Variants in TNRC18 observed in about 807,000 individuals in gnomAD.
TNRC18 encodes the protein trinucleotide repeat containing 18.
TNRC18 carries 69 observed loss-of-function variants against 226.7 expected under a neutral mutation model. The observed-to-expected ratio is 0.30, with a 90% CI of 0.25 to 0.37. The LOEUF is 0.37. Ranked by LOEUF, TNRC18 falls within the 10% of genes least tolerant of loss-of-function variation. The probability of loss-of-function intolerance (pLI) is 1.00; values close to 1 mark genes in which losing one functional copy is unlikely to be tolerated. For missense variants in TNRC18, 4,754 were observed against 4,256.6 expected (o/e 1.12, Z -3.25); for synonymous variants, 2,449 against 1,927.6 (o/e 1.27, Z -7.09).
In TNRC18 at chr7:5,318,014, G is replaced by A. The variant is rs1788022693; in HGVS notation, c.6746-1942C>T. ...AGCCTCCCGAGTAGCTGGGATTACA[G>A]GCACCCGCCACCACGCCCAGCTTAT... On this transcript the variant is annotated intron_variant, in intron 24 of 29. Transcript: ENST00000430969. Among the ~76,000 whole-genome samples the A allele has an allele frequency of 2.0e-5, 3 of 152,054 alleles. No homozygotes were observed. The South Asian group carries it at 6.2e-4, about 32-fold the overall frequency.
chr7:5,321,182 A>G lies in TNRC18; in HGVS notation c.6451T>C (p.Ser2151Pro). 2 of 1,546,146 alleles carry G rather than the reference A, an allele frequency of 1.3e-6. No homozygotes were observed. Among genetic ancestry groups the G allele is most frequent in the Admixed American group, 2.0e-5 (1 of 51,126 alleles). The stretch of plus-strand genomic sequence containing the variant: ...AGCTCATCCTTGTCGATGATGCAGG[A>G]GCGAGGGGCTGCAGGGGTTGGATCG... ...VERPLTPAPR[S>P]CIIDKDELKD... The change falls in exon 22 of 30, where the codon TCC becomes CCC. Residue 2151 changes from serine to proline, a missense_variant. Transcript: ENST00000430969.
At chr7:5,339,540 A>AGTGTGTGT (rs1562514144) in intron 18 of TNRC18, among the ~76,000 whole-genome samples, 2 of 95,526 alleles carry the variant, frequency 2.1e-5, no homozygotes, top group East Asian at 2.9e-4. Context: ...GTGCCCAGCC[A>AGTGTGTGT]ATGTGTGTGT....
At chr7:5,417,423 T>C (rs1782260810) in intron 2 of TNRC18, among the ~76,000 whole-genome samples, 1 of 152,002 alleles carries the variant, frequency 6.6e-6, no homozygotes, top group Admixed American at 6.6e-5. Flanking sequence ...TGAGCTGAGA[T>C]CACGCTATTG....
chr7:5,363,621 A>G (rs1793309233), intron 11 of TNRC18, among the ~76,000 whole-genome samples: 1 of 151,928 alleles, frequency 6.6e-6, no homozygotes, highest in African/African-American at 2.4e-5. Flanking sequence ...CAATCAATCA[A>G]TCGAACAGGA....
chr7:5,334,628 G>A (rs906039998), intron 18 of TNRC18, among the ~76,000 whole-genome samples: 1 of 152,152 alleles, frequency 6.6e-6, no homozygotes, highest in Non-Finnish European at 1.5e-5. Flanking sequence ...ACTGTGCAAG[G>A]AGGCAGCAAG....
chr7:5,419,000 G>C (rs1782367333), intron 2 of TNRC18, among the ~76,000 whole-genome samples: 1 of 152,232 alleles, frequency 6.6e-6, no homozygotes, highest in South Asian at 2.1e-4. Context: ...GGGGTTCAAG[G>C]GGGCGGCAGC....
intron 18 of TNRC18, among the ~76,000 whole-genome samples, chr7:5,337,145 A>G (rs931689625): frequency 6.6e-6 from 1 of 152,160 alleles, no homozygotes; most frequent in Non-Finnish European, 1.5e-5. Flanking sequence ...AATGTAACCT[A>G]TCACTTCCAA....
At chr7:5,417,105 T>C (rs1782240071) in intron 2 of TNRC18, among the ~76,000 whole-genome samples, 1 of 149,236 alleles carries the variant, frequency 6.7e-6, no homozygotes, top group South Asian at 2.1e-4. Flanking sequence ...CAATGAGCTA[T>C]AATTGCACCA....
chr7:5,410,571 T>C (rs1442709184), intron 2 of TNRC18, among the ~76,000 whole-genome samples: 1 of 151,596 alleles, frequency 6.6e-6, no homozygotes, highest in Non-Finnish European at 1.5e-5. Flanking sequence ...TGATGAAGAA[T>C]AACAATAACC....
At chr7:5,325,022 G>A (rs1788749984) in intron 20 of TNRC18, 74 bp downstream of exon 20, 3 of 1,492,144 alleles carry the variant, frequency 2.0e-6, no homozygotes, top group Non-Finnish European at 1.8e-6. Flanking sequence ...AGGAGCAGGT[G>A]GAGCCCCCTG....
At position 5,337,416 on chromosome 7, in the gene TNRC18, G is replaced by A. The variant is rs113060067; in HGVS notation, c.5720-4367C>T. ...GCAGAATCACTTGAACCCAGAAGGC[G>A]GAGGTTGCAGTAAGTCAAGATCGCG... On this transcript the variant is annotated intron_variant, in intron 18 of 29. Transcript: ENST00000430969. 4.0e-5 allele frequency among the ~76,000 whole-genome samples: 6 copies of A among 151,724 alleles called. 1 individual carries two copies. The highest frequency in any genetic ancestry group is 1.2e-4 in the African/African-American group (5 of 41,388).
intron 2 of TNRC18, among the ~76,000 whole-genome samples, chr7:5,406,073 T>C (rs138978601): frequency 2.0e-5 from 3 of 152,274 alleles, no homozygotes; most frequent in African/African-American, 7.2e-5. Flanking sequence ...AGTGGAATAT[T>C]ATTCAGCCCT....
At chr7:5,372,169 G>A (rs991895180) in intron 10 of TNRC18, among the ~76,000 whole-genome samples, 7 of 150,640 alleles carry the variant, frequency 4.6e-5, no homozygotes, top group African/African-American at 7.3e-5. Context: ...CTGGGTTCAC[G>A]CCCTTCTCCT....
intron 18 of TNRC18, among the ~76,000 whole-genome samples, chr7:5,341,054 T>TA (rs1404954682): frequency 6.6e-6 from 1 of 152,068 alleles, no homozygotes; most frequent in Non-Finnish European, 1.5e-5. Context: ...AATGCTCAAT[T>TA]ACCATTCTGA....
chr7:5,330,253 A>G (rs908110426), intron 19 of TNRC18, among the ~76,000 whole-genome samples: 2 of 151,966 alleles, frequency 1.3e-5, no homozygotes, highest in African/African-American at 2.4e-5. Flanking sequence ...TTTGAGACAG[A>G]GTTGTGGGTT....
At chr7:5,331,189 G>A (rs1364776372) in intron 19 of TNRC18, among the ~76,000 whole-genome samples, 1 of 152,088 alleles carries the variant, frequency 6.6e-6, no homozygotes, top group Non-Finnish European at 1.5e-5. Flanking sequence ...ACCCTTATTT[G>A]AGGGTTCCTC....
At chr7:5,387,448 T>C (rs1455103483) in intron 5 of TNRC18, among the ~76,000 whole-genome samples, 2 of 152,180 alleles carry the variant, frequency 1.3e-5, no homozygotes, top group African/African-American at 4.8e-5. Flanking sequence ...AAAGCAACGT[T>C]CCGAACACAA....
chr7:5,373,114 C>A (rs1343957663), intron 10 of TNRC18, among the ~76,000 whole-genome samples: 1 of 152,072 alleles, frequency 6.6e-6, no homozygotes, highest in Non-Finnish European at 1.5e-5. Context: ...GCCAAGATTG[C>A]CCGACTGCAC....
intron 17 of TNRC18, among the ~76,000 whole-genome samples, chr7:5,349,875 G>A (rs1791599906): frequency 6.6e-6 from 1 of 152,216 alleles, no homozygotes. Flanking sequence ...CCTGCTCAGT[G>A]GTGGACTGGC....
Sources: allele counts gnomAD v4.1 joint callset (sites outside exome capture counted in the v4.1 genomes callset), GRCh38; gene constraint gnomAD v4.1.1; transcripts MANE v1.5; gene names NCBI Gene and HGNC (gene_info 2026-07-23, HGNC 2026-07-21).